C8A: variants seen among roughly 807,000 people sequenced by gnomAD.
C8A encodes the protein complement component C8 alpha chain.
In C8A, 67 loss-of-function variants were observed where a neutral mutation model predicts 65.3. The ratio of observed to expected loss-of-function variants is 1.03; its 90% CI spans 0.84 to 1.26. The LOEUF is 1.26. Ranked by LOEUF, C8A falls within the 50% of genes most tolerant of loss-of-function variation. The probability of loss-of-function intolerance (pLI) is 0.00; values close to 1 mark genes in which losing one functional copy is unlikely to be tolerated. For missense variants in C8A, 781 were observed against 723.9 expected (o/e 1.08, Z -0.90); for synonymous variants, 290 against 259.4 (o/e 1.12, Z -1.13).
At chr1:56,903,027 C>T (rs893159628) in intron 7 of C8A, among the ~76,000 whole-genome samples, 2 of 152,000 alleles carry the variant, frequency 1.3e-5, no homozygotes, top group East Asian at 1.9e-4. Flanking sequence ...AACTCTAAGG[C>T]CTTTTCTTTT....
chr1:56,867,551 T>C, intron 1 of C8A, 58 bp from the exon 2 acceptor site: 1 of 1,239,286 alleles, frequency 8.1e-7, no homozygotes, highest in Admixed American at 1.7e-5. Context: ...TGCACAGCTT[T>C]CTCATTTGCT....
intron 7 of C8A, among the ~76,000 whole-genome samples, chr1:56,888,273 G>T (rs1024290552): frequency 6.6e-6 from 1 of 152,044 alleles, no homozygotes. Flanking sequence ...CAGGAAGTTC[G>T]AGATGAAGCA....
intron 1 of C8A, among the ~76,000 whole-genome samples, chr1:56,858,111 C>T (rs1290394687): frequency 2.0e-5 from 3 of 152,116 alleles, no homozygotes; most frequent in Non-Finnish European, 4.4e-5. Flanking sequence ...TACTACCCTT[C>T]TCATTATCCT....
intron 1 of C8A, among the ~76,000 whole-genome samples, chr1:56,864,860 G>A (rs879879199): frequency 3.0e-4 from 46 of 152,140 alleles, no homozygotes; most frequent in Non-Finnish European, 5.6e-4. Flanking sequence ...TTTCAAAACA[G>A]TTCTCATAAT....
intron 2 of C8A, among the ~76,000 whole-genome samples, chr1:56,872,973 C>T (rs1402342802): frequency 6.6e-6 from 1 of 152,046 alleles, no homozygotes; most frequent in African/African-American, 2.4e-5. Flanking sequence ...TGCTGAGGGG[C>T]AAGAGTGTGG....
chr1:56,878,842 T>A (rs1456226650), intron 4 of C8A, among the ~76,000 whole-genome samples: 5 of 152,194 alleles, frequency 3.3e-5, no homozygotes, highest in Non-Finnish European at 7.3e-5. Context: ...ATATGCATTA[T>A]ATAGAAAATA....
intron 1 of C8A, among the ~76,000 whole-genome samples, chr1:56,866,181 A>T (rs890663982): frequency 4.6e-5 from 7 of 152,240 alleles, no homozygotes; most frequent in African/African-American, 1.7e-4. Context: ...TTTCAACCAA[A>T]TCAATATATA....
chr1:56,879,463 G>C (rs1644229896), intron 4 of C8A, among the ~76,000 whole-genome samples: 1 of 152,092 alleles, frequency 6.6e-6, no homozygotes, highest in South Asian at 2.1e-4. Flanking sequence ...TATACTCTTA[G>C]GGATTACCGT....
chr1:56,912,434 C>G lies in C8A; in HGVS notation c.1412C>G (p.Thr471Arg). The stretch of plus-strand genomic sequence containing the variant: ...CCTATCCACGAGGTGCTGCGGCACA[C>G]AAGCCTGGGGCCTCTGGAGGCCAAG... Reference protein sequence around the residue: ...MQPIHEVLRHTSLGPLEAKRQ... With the variant: ...MQPIHEVLRHRSLGPLEAKRQ... The change falls in exon 10 of 11, where the codon ACA becomes AGA. Residue 471 changes from threonine (T) to arginine (R), a missense_variant. Physicochemically the swap from Thr to Arg is moderately conservative, Grantham distance 71 (BLOSUM62 -1). Transcript: ENST00000361249. 1 of 1,614,224 alleles carries G rather than the reference C, an allele frequency of 6.2e-7. No individual in the cohort carries two copies. The highest frequency in any genetic ancestry group is 8.5e-7 in the Non-Finnish European group (1 of 1,180,038).
chr1:56,861,397 C>A (rs1055318589), intron 1 of C8A, among the ~76,000 whole-genome samples: 14 of 152,066 alleles, frequency 9.2e-5, no homozygotes, highest in African/African-American at 2.2e-4. Flanking sequence ...GGAGGAGGAA[C>A]CTTGCTTTAC....
chr1:56,907,905 C>T, intron 8 of C8A, 51 bp from the exon 9 acceptor site: 2 of 1,607,504 alleles, frequency 1.2e-6, no homozygotes, highest in Non-Finnish European at 1.7e-6. Flanking sequence ...GTCAACCAGT[C>T]CTTGGGCTTT....
At position 56,854,933 on chromosome 1, in the gene C8A, T is replaced by G; in HGVS notation, c.32T>G (p.Leu11Trp). 1 of 1,613,876 alleles carries G rather than the reference T, an allele frequency of 6.2e-7. No homozygotes were observed. Among genetic ancestry groups the G allele is most frequent in the Non-Finnish European group, 8.5e-7 (1 of 1,179,894 alleles). ...GCTGTTGTTTTCTTCATCTTGTCTT[T>G]GATGACTTGTCAGCCTGGGGTAACT... Reference protein sequence around the residue: MFAVVFFILSLMTCQPGVTAQ... With the variant: MFAVVFFILSWMTCQPGVTAQ... The change falls in exon 1 of 11, where the codon TTG becomes TGG. Residue 11 changes from leucine (L) to tryptophan (W), a missense_variant. Leu to Trp is a moderately conservative substitution (Grantham distance 61, BLOSUM62 -2). Coordinates refer to ENST00000361249, the MANE Select transcript of C8A (RefSeq NM_000562.3).
At chr1:56,909,812 G>A (rs1287260292) in intron 9 of C8A, among the ~76,000 whole-genome samples, 1 of 152,196 alleles carries the variant, frequency 6.6e-6, no homozygotes, top group Admixed American at 6.5e-5. Context: ...ACAAGACTCA[G>A]GAGATCAGAA....
chr1:56,880,608 C>T lies in C8A; in HGVS notation c.465-837C>T, dbSNP rs140955993. Among the ~76,000 whole-genome samples, 34 of 152,176 alleles carry T rather than the reference C, an allele frequency of 2.2e-4. No individual in the cohort carries two copies. The East Asian group carries it at 5.8e-3, about 26-fold the overall frequency. On this transcript the variant is annotated intron_variant, in intron 4 of 10. Transcript: ENST00000361249. The stretch of plus-strand genomic sequence containing the variant: ...CCCATGCTGCCTCAAAGATAATGGC[C>T]TTTCTGAGGATTAGAGTCTCAACCT...
chr1:56,900,369 G>T (rs1212803594), intron 7 of C8A, among the ~76,000 whole-genome samples: 3 of 152,164 alleles, frequency 2.0e-5, no homozygotes, highest in African/African-American at 4.8e-5. Context: ...ACCTAATTGT[G>T]CCAGACACGT....
intron 4 of C8A, 110 bp from the exon 5 acceptor site, chr1:56,881,335 G>T: frequency 9.1e-7 from 1 of 1,104,808 alleles, no homozygotes; most frequent in Non-Finnish European, 1.4e-6. Context: ...GTGCAGGTTT[G>T]TCACATAGGT....
chr1:56,862,310 C>T (rs621819), intron 1 of C8A, among the ~76,000 whole-genome samples: 48,903 of 151,948 alleles, frequency 0.32, 8,479 homozygotes, highest in South Asian at 0.5. Context: ...CTCTAAACCT[C>T]TTTCTTTTAC....
chr1:56,860,433 A>G (rs763567535), intron 1 of C8A, among the ~76,000 whole-genome samples: 35 of 152,304 alleles, frequency 2.3e-4, no homozygotes, highest in Non-Finnish European at 4.3e-4. Context: ...ATGGGTAGTA[A>G]AACACACACA....
intron 4 of C8A, among the ~76,000 whole-genome samples, chr1:56,878,577 C>A (rs189452413): frequency 6.6e-6 from 1 of 152,060 alleles, no homozygotes; most frequent in Non-Finnish European, 1.5e-5. Context: ...TTTGATGGTT[C>A]TTCTATTTAT....
Sources: gnomAD v4.1 joint callset for allele counts (sites outside exome capture counted in the v4.1 genomes callset) on GRCh38, gnomAD v4.1.1 for gene constraint, MANE v1.5 for transcripts, NCBI Gene and HGNC (gene_info 2026-07-23, HGNC 2026-07-21) for gene names.